Variants in PNPLA7 observed in about 807,000 individuals in gnomAD.
PNPLA7 encodes patatin-like phospholipase domain-containing protein 7.
Under a neutral mutation model 161.7 loss-of-function variants are expected in PNPLA7, and 153 were observed. The observed-to-expected ratio is 0.95, with a 90% CI of 0.83 to 1.08. PNPLA7 has a LOEUF of 1.08. Among genes scored for constraint, PNPLA7 ranks in the 50% least tolerant of loss-of-function variants. The pLI is 0.00. For synonymous variants in PNPLA7, 809 were observed against 782.1 expected (o/e 1.03, Z -0.57); for missense variants, 1,739 against 1,856.6 (o/e 0.94, Z 1.16).
chr9:137,549,003 G>A (rs1836696140), intron 1 of PNPLA7, among the ~76,000 whole-genome samples: 1 of 152,224 alleles, frequency 6.6e-6, no homozygotes, highest in Admixed American at 6.5e-5. Context: ...CCTCAGCCCA[G>A]CAACCGCTTC....
chr9:137,517,939 T>C (rs1834707620), intron 11 of PNPLA7, among the ~76,000 whole-genome samples: 1 of 63,578 alleles, frequency 1.6e-5, no homozygotes, highest in Non-Finnish European at 3.0e-5. Flanking sequence ...CTCTGTCCAC[T>C]CCATCCCCAC....
chr9:137,497,102 G>A, intron 18 of PNPLA7, 85 bp downstream of exon 18: 3 of 1,333,980 alleles, frequency 2.2e-6, no homozygotes, highest in Non-Finnish European at 2.9e-6. Context: ...CCAAGTAACT[G>A]GCCAGGCCAC....
rs897452125 is a variant in PNPLA7 at position 137,490,279 on chromosome 9, T to C, written c.2197+2734A>G. Reference sequence around the variant, plus strand: ...TGGATCATTTTTCAAATTTTATTCATAGAGACAGGGTCTCACTATGTTGCC... The same window carrying C: ...TGGATCATTTTTCAAATTTTATTCACAGAGACAGGGTCTCACTATGTTGCC... On this transcript the variant is annotated intron_variant, in intron 20 of 34. Transcript: ENST00000406427. This position sits in a 1 kb window ranked among gnomAD's most constrained non-coding sequence, Gnocchi z 4.1. 2.0e-5 allele frequency among the ~76,000 whole-genome samples: 3 copies of C among 152,182 alleles called. No individual in the cohort carries two copies. The highest frequency in any genetic ancestry group is 3.9e-4 in the East Asian group (2 of 5,188).
rs1176238393 is a variant in PNPLA7, at chr9:137,540,267, A to G, written c.747+375T>C. 1.3e-5 allele frequency among the ~76,000 whole-genome samples: 2 copies of G among 152,238 alleles called. No individual in the cohort carries two copies. Among genetic ancestry groups the G allele is most frequent in the South Asian group, 2.1e-4 (1 of 4,832 alleles). On this transcript the variant is annotated intron_variant, in intron 8 of 34. Transcript: ENST00000406427. The surrounding 1 kb of genome is among the most constrained non-coding windows in gnomAD (Gnocchi z 5.1). The stretch of plus-strand genomic sequence containing the variant: ...CGGCGCCAGCAGGGAAGAGCCCAGC[A>G]GGACCTGCAGGAAACGGGGGTGGCT...
chr9:137,480,286 G>C (rs537940765), intron 23 of PNPLA7, 26 bp downstream of exon 23: 1 of 1,605,200 alleles, frequency 6.2e-7, no homozygotes, highest in Non-Finnish European at 8.5e-7. Context: ...GCTCTCCCCA[G>C]CTCCACCGGC....
chr9:137,467,488 G>A lies in PNPLA7; in HGVS notation c.2883-15C>T, dbSNP rs750303718. 45 of 1,611,748 alleles carry A rather than the reference G, an allele frequency of 2.8e-5. No homozygotes were observed. The South Asian group carries it at 3.2e-4, about 11-fold the overall frequency. ...GGGCACAGCCTCTACACCAGCCAGG[G>A]ACACAGAGCAAGGAGTGAGTACCAG... On this transcript the variant is annotated splice_polypyrimidine_tract_variant and intron_variant, in intron 25 of 34. Transcript: ENST00000406427. The surrounding 1 kb of genome is among the most constrained non-coding windows in gnomAD (Gnocchi z 5.1).
In PNPLA7 at chr9:137,463,491, G is replaced by A. The variant is rs78550888; in HGVS notation, c.3267C>T (p.Ser1089=). Residue 1089 remains serine (S), a synonymous_variant, in exon 29 of 35, where the codon TCC becomes TCT. Transcript: ENST00000406427. ...GGTCACAGAGAGGGGGCATGTAACC[G>A]GACAGGGACATGCTGGCACGCACGT... ...WWYVRASMSL[S]GYMPPLCDPK... The A allele has an allele frequency of 0.063, 100,822 of 1,589,282 alleles. 3,732 individuals carry two copies. Among genetic ancestry groups the A allele is most frequent in the Middle Eastern group, 0.095 (574 of 6,020 alleles).
chr9:137,512,322 G>A (rs1040988783), intron 12 of PNPLA7, among the ~76,000 whole-genome samples: 4 of 152,244 alleles, frequency 2.6e-5, no homozygotes, highest in African/African-American at 9.6e-5. Context: ...CCACATGACG[G>A]CATGGATGGA....
chr9:137,542,735 C>G lies in PNPLA7; in HGVS notation c.573G>C (p.Leu191=), dbSNP rs200935639. The change falls in exon 7 of 35, where the codon CTG becomes CTC. Residue 191 remains leucine, a synonymous_variant. Coordinates refer to ENST00000406427, the MANE Select transcript of PNPLA7 (RefSeq NM_001098537.3). The part of the protein sequence containing the change: ...ELCKHIVFVQ[L]QEGEHVFQPR... ...GCTGGAAGACGTGCTCCCCTTCCTG[C>G]AGCTGCACAAAGACGATGTGTTTGC... The G allele has an allele frequency of 2.1e-5, 34 of 1,613,646 alleles. No individual in the cohort carries two copies. The highest frequency in any genetic ancestry group is 2.7e-5 in the Non-Finnish European group (32 of 1,180,042).
chr9:137,472,433 T>A (rs938242503), intron 25 of PNPLA7, among the ~76,000 whole-genome samples: 1 of 150,998 alleles, frequency 6.6e-6, no homozygotes, highest in Non-Finnish European at 1.5e-5. Flanking sequence ...GGCGGATCAC[T>A]TGAGGTCAGG....
At chr9:137,503,840 AAGAAGAAGG>A (rs1564324815) in intron 14 of PNPLA7, among the ~76,000 whole-genome samples, 4 of 45,706 alleles carry the variant, frequency 8.8e-5, no homozygotes, top group East Asian at 5.8e-4. Context: ...AAGAAGCAAG[AAGAAGAAGG>A]AAGAAGAAGA....
Position 137,500,316 on chromosome 9 carries a change from C to T in PNPLA7, c.1757+375G>A, listed in dbSNP as rs898711508. The stretch of plus-strand genomic sequence containing the variant: ...GTCAGCCCAGGCTGCAGAGGTGGGA[C>T]GGCTCACGGCCCCTGAAGCCCGGCC... On this transcript the variant is annotated intron_variant, in intron 16 of 34. Transcript: ENST00000406427. The surrounding 1 kb of genome is among the most constrained non-coding windows in gnomAD (Gnocchi z 5.5). Among the ~76,000 whole-genome samples the T allele has an allele frequency of 2.0e-5, 3 of 150,030 alleles. No individual in the cohort carries two copies. Among genetic ancestry groups the T allele is most frequent in the East Asian group, 1.9e-4 (1 of 5,194 alleles).
At chr9:137,464,622 T>C in intron 26 of PNPLA7, 166 bp from the exon 27 acceptor site, 1 of 657,902 alleles carries the variant, frequency 1.5e-6, no homozygotes, top group South Asian at 1.8e-5. Context: ...AGCCTCAGAG[T>C]GAGCAGAGGC....
In PNPLA7 at chr9:137,486,627, G is replaced by T. The variant is rs1415416729; in HGVS notation, c.2198-1891C>A. On this transcript the variant is annotated intron_variant, in intron 20 of 34. Coordinates refer to ENST00000406427, the MANE Select transcript of PNPLA7 (RefSeq NM_001098537.3). The surrounding 1 kb of genome is among the most constrained non-coding windows in gnomAD (Gnocchi z 6.0). ...GACTCGGCCCCCACCTCCGGCCCCA[G>T]GCTCCTACCCGACCCACCAAAGCTC... Among the ~76,000 whole-genome samples the T allele has an allele frequency of 2.6e-5, 4 of 152,048 alleles. No homozygotes were observed. The highest frequency in any genetic ancestry group is 9.7e-5 in the African/African-American group (4 of 41,376).
At position 137,463,398 on chromosome 9, in the gene PNPLA7, TC is replaced by T; in HGVS notation, c.3343+16del. The T allele has an allele frequency of 1.3e-6, 2 of 1,587,534 alleles. No individual in the cohort carries two copies. Among genetic ancestry groups the T allele is most frequent in the Non-Finnish European group, 1.7e-6 (2 of 1,164,132 alleles). On this transcript the variant is annotated intron_variant, in intron 29 of 34. Coordinates refer to ENST00000406427, the MANE Select transcript of PNPLA7 (RefSeq NM_001098537.3). ...GAGCCTGTGCTCCTGCCGGGCGTGG[TC>T]CCCCCACCGCAGTACCTGGGAGGTT...
At chr9:137,527,189 TC>T (rs36124837) in intron 8 of PNPLA7, among the ~76,000 whole-genome samples, 47,195 of 150,994 alleles carry the variant, frequency 0.31, 8,645 homozygotes, top group East Asian at 0.67. Flanking sequence ...ATTGCTTGAA[TC>T]AGAGGGGGCG....
At chr9:137,502,727 A>ACGGGGGGGG (rs1253017082) in intron 14 of PNPLA7, among the ~76,000 whole-genome samples, 1 of 63,982 alleles carries the variant, frequency 1.6e-5, no homozygotes, top group African/African-American at 5.9e-5. Context: ...GACGCGGGGG[A>ACGGGGGGGG]CGGGGGGGAC....
intron 20 of PNPLA7, among the ~76,000 whole-genome samples, chr9:137,485,192 C>T (rs1281118386): frequency 2.0e-5 from 3 of 152,270 alleles, no homozygotes; most frequent in African/African-American, 7.2e-5. Flanking sequence ...CTGGTCCAGG[C>T]CCAGGCCCAG....
chr9:137,543,996 A>G lies in PNPLA7; in HGVS notation c.274-181T>C, dbSNP rs1836354788. ...GGCCTGTGAGGGAATGTTGGCAGCG[A>G]TACAGCCCCACACATCCTTGGGATC... is the stretch of plus-strand genomic sequence containing the variant. On this transcript the variant is annotated intron_variant, in intron 4 of 34. Coordinates refer to ENST00000406427, the MANE Select transcript of PNPLA7 (RefSeq NM_001098537.3). This position sits in a 1 kb window ranked among gnomAD's most constrained non-coding sequence, Gnocchi z 6.9. Among the ~76,000 whole-genome samples, 1 of 152,040 alleles carries G rather than the reference A, an allele frequency of 6.6e-6. No individual in the cohort carries two copies. The highest frequency in any genetic ancestry group is 2.4e-5 in the African/African-American group (1 of 41,412).
Sources: gnomAD v4.1 joint callset for allele counts (sites outside exome capture counted in the v4.1 genomes callset) on GRCh38, gnomAD v4.1.1 for gene constraint, Gnocchi (gnomAD v3.1) non-coding constraint, MANE v1.5 for transcripts, NCBI Gene and HGNC (gene_info 2026-07-23, HGNC 2026-07-21) for gene names.